Variants in WDR18 observed in about 807,000 individuals in gnomAD.
WDR18 encodes WD repeat-containing protein 18.
WDR18 carries 33 observed loss-of-function variants against 49.6 expected under a neutral mutation model. That is an observed-to-expected ratio of 0.67 (90% CI 0.50 to 0.89). WDR18 has a LOEUF of 0.89. Ranked by LOEUF, WDR18 falls within the 40% of genes least tolerant of loss-of-function variation. WDR18 has a pLI of 0.00. For synonymous variants in WDR18, 315 were observed against 263.6 expected, an observed-to-expected ratio of 1.19 and a Z score of -1.89; for missense variants, 653 against 593.6, an observed-to-expected ratio of 1.10 and a Z score of -1.04.
chr19:990,554 C>T (rs78646060), intron 4 of WDR18, 190 bp downstream of exon 4: 11,685 of 958,220 alleles, frequency 0.012, 428 homozygotes, highest in East Asian at 0.11. Flanking sequence ...ACTCATTCAC[C>T]GTTTCTGGCC....
chr19:983,760 C>A (rs998549346), upstream of WDR18, among the ~76,000 whole-genome samples: 4 of 151,630 alleles, frequency 2.6e-5, no homozygotes, highest in Admixed American at 2.0e-4. Flanking sequence ...AAACACTGGG[C>A]CGGGCGCGGT....
intron 2 of WDR18, among the ~76,000 whole-genome samples, chr19:987,829 G>GTTTTTTTTGTTTTT (rs2038490657): frequency 9.8e-5 from 9 of 91,806 alleles, no homozygotes; most frequent in African/African-American, 4.8e-4. Flanking sequence ...GCCGCCTCCA[G>GTTTTTTTTGTTTTT]TTTTTTTTTT....
rs1406412987 is a variant in WDR18, at chr19:994,071, T to G, written c.1150T>G (p.Cys384Gly). 9 of 1,559,138 alleles carry G rather than the reference T, an allele frequency of 5.8e-6. No individual in the cohort carries two copies. The highest frequency in any genetic ancestry group is 4.7e-5 in the South Asian group (4 of 84,850). ...DRTEQLQAVL[C>G]STMEKSVLGG... ...CACGGAGCAGCTGCAGGCCGTCCTG[T>G]GCAGCACCATGGAGAAGGTGGGCGG... The change falls in exon 9 of 10, where the codon TGC (cysteine) becomes GGC (glycine). Residue 384 changes from cysteine (C) to glycine (G), a missense_variant. By Grantham distance (159) the Cys-to-Gly change is radical. Coordinates refer to ENST00000585809, the MANE Select transcript of WDR18 (RefSeq NM_024100.4).
intron 2 of WDR18, among the ~76,000 whole-genome samples, chr19:989,340 G>C (rs998290483): frequency 1.3e-5 from 2 of 152,034 alleles, no homozygotes; most frequent in South Asian, 4.1e-4. Flanking sequence ...CCACCACCCT[G>C]GGTCAGGCCA....
In WDR18 at chr19:990,238, C is replaced by A. The variant is rs117300378; in HGVS notation, c.471C>A (p.Asp157Glu). The change falls in exon 4 of 10, where the codon GAC becomes GAA. Residue 157 changes from aspartate (D) to glutamate (E), a missense_variant. By Grantham distance (45) the Asp-to-Glu change is conservative. Transcript: ENST00000585809. ...CCCCGCTCAGCGTGCTGCAGGCCGA[C>A]CCCTCCAGGATTCCGGCGCCCAGGC... ...VWSLCSVLQA[D>E]PSRIPAPRHV... 2 of 1,598,086 alleles carry A rather than the reference C, an allele frequency of 1.3e-6. No homozygotes were observed. Among genetic ancestry groups the A allele is most frequent in the South Asian group, 1.1e-5 (1 of 90,880 alleles).
intron 8 of WDR18, among the ~76,000 whole-genome samples, chr19:993,160 G>A (rs974794356): frequency 6.6e-6 from 1 of 152,248 alleles, no homozygotes; most frequent in African/African-American, 2.4e-5. Context: ...CAGCGTGGGC[G>A]CAAGGAGGGG....
At chr19:983,356 A>ATC (rs1456304122), upstream of WDR18, among the ~76,000 whole-genome samples, 1 of 151,952 alleles carries the variant, frequency 6.6e-6, no homozygotes, top group Non-Finnish European at 1.5e-5. Flanking sequence ...AGTGCCTGGG[A>ATC]TCTCGGCTCA....
chr19:988,839 A>G (rs2038503331), intron 2 of WDR18, among the ~76,000 whole-genome samples: 1 of 152,110 alleles, frequency 6.6e-6, no homozygotes. Flanking sequence ...AACAACCGGG[A>G]CACATGGATG....
At chr19:990,547 C>A in intron 4 of WDR18, 183 bp downstream of exon 4, 1 of 995,250 alleles carries the variant, frequency 1.0e-6, no homozygotes, top group Non-Finnish European at 1.4e-6. Context: ...AATTCCTACT[C>A]ATTCACCGTT....
Position 994,380 on chromosome 19 carries a change from A to T in WDR18, c.*36A>T. 6.3e-7 allele frequency: 1 copy of T among 1,578,032 alleles called. No homozygotes were observed. The highest frequency in any genetic ancestry group is 1.1e-5 in the South Asian group (1 of 87,716). ...CCCCGGCCCGAGGCGCCCAGGCCTG[A>T]GCCCCATGCCTCCCAGCAACCAGGG... is the stretch of plus-strand genomic sequence containing the variant. On this transcript the variant is annotated 3_prime_UTR_variant, in exon 10 of 10. Coordinates refer to ENST00000585809, the MANE Select transcript of WDR18 (RefSeq NM_024100.4).
Position 994,025 on chromosome 19 carries a change from G to C in WDR18, c.1104G>C (p.Ser368=), listed in dbSNP as rs775262508. ...CGTGGCTCCCTGTGTTACAGGGCTC[G>C]GAGCCCAGCTACCTGGACCGCACGG... ...TLRLGLHQQG[S]EPSYLDRTEQ... is the part of the protein sequence containing the mutation. The change falls in exon 9 of 10, where the codon TCG becomes TCC. Residue 368 remains serine, a synonymous_variant. Coordinates refer to ENST00000585809, the MANE Select transcript of WDR18 (RefSeq NM_024100.4). 24 of 1,554,890 alleles carry C rather than the reference G, an allele frequency of 1.5e-5. No individual in the cohort carries two copies. Among genetic ancestry groups the C allele is most frequent in the Non-Finnish European group, 1.7e-5 (19 of 1,150,142 alleles).
chr19:992,627 T>C (rs915033634), intron 8 of WDR18, among the ~76,000 whole-genome samples: 3 of 152,176 alleles, frequency 2.0e-5, no homozygotes, highest in African/African-American at 7.2e-5. Flanking sequence ...ACCCCCGCTC[T>C]GTGCAGGTAC....
At chr19:991,028 C>T (rs750141610) in intron 5 of WDR18, 33 bp downstream of exon 5, 2 of 1,600,072 alleles carry the variant, frequency 1.2e-6, no homozygotes, top group South Asian at 2.2e-5. Flanking sequence ...TGCACCCTGC[C>T]CTGGGGCTGA....
chr19:986,089 C>T lies in WDR18; in HGVS notation c.321+114C>T, dbSNP rs187316297. 120 of 956,636 alleles carry T rather than the reference C, an allele frequency of 1.3e-4. No homozygotes were observed. In the African/African-American group the frequency reaches 1.8e-3, roughly 14 times the overall value. The allele number at this position is 956,636 out of a possible 1,614,324, so 59.3% of individuals were successfully genotyped here. A position where few individuals can be genotyped will look rare whatever the true frequency, so the allele number is the denominator to read the frequency against. On this transcript the variant is annotated intron_variant, in intron 2 of 9. Transcript: ENST00000585809. ...CCTGGGGCCCTGGGATGGGTGACTG[C>T]TCAGGGGTTATAGCCTAAGCTTCAC... is the stretch of plus-strand genomic sequence containing the variant.
intron 2 of WDR18, among the ~76,000 whole-genome samples, 194 bp downstream of exon 2, chr19:986,169 C>G (rs903763288): frequency 6.6e-6 from 1 of 152,314 alleles, no homozygotes; most frequent in South Asian, 2.1e-4. Flanking sequence ...CAGACCAGCC[C>G]TAATCCTGCC....
chr19:993,051 G>T (rs1443707416), intron 8 of WDR18, among the ~76,000 whole-genome samples: 1 of 152,230 alleles, frequency 6.6e-6, no homozygotes, highest in East Asian at 1.9e-4. Context: ...TCTACCAGTG[G>T]GCTTGGGGCG....
chr19:988,347 G>A lies in WDR18; in HGVS notation c.322-1415G>A, dbSNP rs974982179. On this transcript the variant is annotated intron_variant, in intron 2 of 9. Coordinates refer to ENST00000585809, the MANE Select transcript of WDR18 (RefSeq NM_024100.4). ...GCGGGAGCTGGTCCGCCCCTCCCAC[G>A]CCACAGGGACAGGGACCTCCCGGGA... 7.2e-5 allele frequency among the ~76,000 whole-genome samples: 11 copies of A among 152,262 alleles called. No homozygotes were observed. The South Asian group carries it at 2.1e-3, about 29-fold the overall frequency.
At chr19:984,590 G>C in intron 1 of WDR18, 27 bp downstream of exon 1, 2 of 1,399,894 alleles carry the variant, frequency 1.4e-6, no homozygotes, top group Non-Finnish European at 1.9e-6. Flanking sequence ...TCGCTGCTGG[G>C]GTCATGGGGC....
chr19:991,295 C>T lies in WDR18; in HGVS notation c.875C>T (p.Thr292Ile), dbSNP rs139755702. 7.7e-6 allele frequency: 12 copies of T among 1,563,012 alleles called. No homozygotes were observed. In the African/African-American group the frequency reaches 1.4e-4, roughly 18 times the overall value. ...CTGCTCTCAGGCTCCCACGACGAGA[C>T]CGTGCGCCTCTGGGACGTGCAGAGC... is the stretch of plus-strand genomic sequence containing the variant. ...SVLLSGSHDE[T>I]VRLWDVQSKQ... The change falls in exon 7 of 10, where the codon ACC becomes ATC. Residue 292 changes from threonine to isoleucine, a missense_variant. Coordinates refer to ENST00000585809, the MANE Select transcript of WDR18 (RefSeq NM_024100.4).
Sources: allele counts gnomAD v4.1 joint callset (sites outside exome capture counted in the v4.1 genomes callset), GRCh38; gene constraint gnomAD v4.1.1; transcripts MANE v1.5; gene names NCBI Gene and HGNC (gene_info 2026-07-23, HGNC 2026-07-21).